SNX25: variants seen among roughly 807,000 people sequenced by gnomAD.
SNX25 encodes the protein sorting nexin-25.
A neutral mutation model predicts 113.7 loss-of-function variants in SNX25; 62 were observed. The observed-to-expected ratio is 0.55, with a 90% CI of 0.44 to 0.67. The LOEUF (loss-of-function observed/expected upper bound fraction) is 0.67. Ranked by LOEUF, SNX25 falls within the 30% of genes least tolerant of loss-of-function variation. SNX25 has a pLI of 0.00. For missense variants in SNX25, 1,014 were observed against 1,161.0 expected, an observed-to-expected ratio of 0.87 and a Z score of 1.84; for synonymous variants, 421 against 436.2, an observed-to-expected ratio of 0.97 and a Z score of 0.43.
At chr4:185,252,489 C>T (rs192405331) in intron 2 of SNX25, among the ~76,000 whole-genome samples, 103 of 152,244 alleles carry the variant, frequency 6.8e-4, no homozygotes, top group African/African-American at 2.4e-3. Flanking sequence ...ATACTAAATG[C>T]TTATGAAATA....
At chr4:185,291,688 G>A (rs1011151264) in intron 6 of SNX25, among the ~76,000 whole-genome samples, 1 of 152,154 alleles carries the variant, frequency 6.6e-6, no homozygotes, top group Non-Finnish European at 1.5e-5. Context: ...CTGGCCTGGA[G>A]ATATGTCACT....
At chr4:185,357,978 G>A (rs1011372114) in intron 16 of SNX25, among the ~76,000 whole-genome samples, 10 of 152,190 alleles carry the variant, frequency 6.6e-5, no homozygotes, top group African/African-American at 2.4e-4. Context: ...TCTGACTGGC[G>A]AGGGTCAGGA....
intron 6 of SNX25, among the ~76,000 whole-genome samples, chr4:185,306,838 G>A (rs979342251): frequency 6.6e-6 from 1 of 152,154 alleles, no homozygotes; most frequent in African/African-American, 2.4e-5. Flanking sequence ...TAATTTTGGG[G>A]CAAACTACAT....
At chr4:185,253,299 G>A (rs1745931257) in intron 2 of SNX25, among the ~76,000 whole-genome samples, 1 of 151,994 alleles carries the variant, frequency 6.6e-6, no homozygotes, top group African/African-American at 2.4e-5. Context: ...ACCTCAGAGT[G>A]TCTTATAAAA....
intron 1 of SNX25, among the ~76,000 whole-genome samples, chr4:185,216,824 A>C (rs1300402525): frequency 6.6e-6 from 1 of 152,060 alleles, no homozygotes; most frequent in Non-Finnish European, 1.5e-5. Flanking sequence ...CCCGGCCGAC[A>C]AAAGTGTGTA....
intron 1 of SNX25, among the ~76,000 whole-genome samples, chr4:185,245,248 TA>T (rs11286036): frequency 0.41 from 61,769 of 151,330 alleles, 15,001 homozygotes; most frequent in African/African-American, 0.69. Flanking sequence ...TGTGATCAAG[TA>T]AAAAAAAATC....
chr4:185,337,165 T>C (rs1457207812), intron 10 of SNX25, among the ~76,000 whole-genome samples: 1 of 152,188 alleles, frequency 6.6e-6, no homozygotes, highest in Non-Finnish European at 1.5e-5. Context: ...CATTTTAGTG[T>C]TTTGCAACTG....
rs145936732 is a variant in SNX25, at chr4:185,323,346, A to C, written c.1477-182A>C. 9.7e-3 allele frequency among the ~76,000 whole-genome samples: 1,470 copies of C among 151,792 alleles called. 29 individuals are homozygous for C. Among genetic ancestry groups the C allele is most frequent in the African/African-American group, 0.034 (1,411 of 41,352 alleles). On this transcript the variant is annotated intron_variant, in intron 8 of 18. Coordinates refer to ENST00000652585, the MANE Select transcript of SNX25 (RefSeq NM_001378034.2). The stretch of plus-strand genomic sequence containing the variant: ...GTTCAACATGTTCATTTAAAGAATT[A>C]GTTTTTTTTTTTTTAGGATCTGACA...
chr4:185,250,984 A>G (rs1560934960), intron 2 of SNX25, among the ~76,000 whole-genome samples: 1 of 152,082 alleles, frequency 6.6e-6, no homozygotes, highest in African/African-American at 2.4e-5. Flanking sequence ...ATATAGTTCA[A>G]TAATGTTTTG....
At chr4:185,294,344 G>C (rs1359411654) in intron 6 of SNX25, among the ~76,000 whole-genome samples, 1 of 152,158 alleles carries the variant, frequency 6.6e-6, no homozygotes, top group African/African-American at 2.4e-5. Flanking sequence ...CTCTTGTGCT[G>C]CTAGCTTCCT....
At chr4:185,260,596 CTA>C (rs567463431) in intron 3 of SNX25, among the ~76,000 whole-genome samples, 124 of 152,304 alleles carry the variant, frequency 8.1e-4, no homozygotes, top group African/African-American at 2.8e-3. Context: ...TATTTAAAAA[CTA>C]AGAATTTTTA....
chr4:185,339,519 G>C lies in SNX25; in HGVS notation c.2046+9G>C, dbSNP rs2095249330. On this transcript the variant is annotated intron_variant, in intron 11 of 18. Transcript: ENST00000652585. Reference sequence around the variant, plus strand: ...CCATCACCAGTGGAGAGGTAGTTTTGACTGCTTTTCCTCTTAATTTATTTT... The same window carrying C: ...CCATCACCAGTGGAGAGGTAGTTTTCACTGCTTTTCCTCTTAATTTATTTT... 6.2e-7 allele frequency: 1 copy of C among 1,605,100 alleles called. No individual in the cohort carries two copies. Among genetic ancestry groups the C allele is most frequent in the African/African-American group, 1.3e-5 (1 of 74,436 alleles).
intron 1 of SNX25, among the ~76,000 whole-genome samples, chr4:185,213,384 C>T (rs1053306193): frequency 2.0e-5 from 3 of 152,186 alleles, no homozygotes; most frequent in East Asian, 1.9e-4. Context: ...CCCAGACTTC[C>T]GTGGTATCTT....
intron 7 of SNX25, among the ~76,000 whole-genome samples, chr4:185,314,581 TG>T (rs2095055674): frequency 6.6e-6 from 1 of 152,002 alleles, no homozygotes; most frequent in Non-Finnish European, 1.5e-5. Flanking sequence ...AAATGGAGGC[TG>T]GGCGCAGTGG....
intron 14 of SNX25, 28 bp downstream of exon 14, chr4:185,351,637 TTGTAG>T (rs2095315201): frequency 6.2e-7 from 1 of 1,607,434 alleles, no homozygotes; most frequent in Non-Finnish European, 8.5e-7. Context: ...TGAACCACTT[TTGTAG>T]TGTATTTCAG....
chr4:185,215,627 A>G (rs1738685138), intron 1 of SNX25, among the ~76,000 whole-genome samples: 1 of 152,148 alleles, frequency 6.6e-6, no homozygotes, highest in African/African-American at 2.4e-5. Flanking sequence ...TCATTTGATA[A>G]TGGATAATGG....
chr4:185,227,280 G>A (rs539828937), intron 1 of SNX25, among the ~76,000 whole-genome samples: 1 of 152,326 alleles, frequency 6.6e-6, no homozygotes, highest in East Asian at 1.9e-4. Flanking sequence ...TTCTTGTTTT[G>A]TTTCCCTTAC....
chr4:185,358,033 G>C (rs922173389), intron 16 of SNX25, among the ~76,000 whole-genome samples: 1 of 152,216 alleles, frequency 6.6e-6, no homozygotes, highest in African/African-American at 2.4e-5. Flanking sequence ...CGACGAGTTT[G>C]AGTATCTTGA....
chr4:185,242,963 C>T (rs1052065017), intron 1 of SNX25, among the ~76,000 whole-genome samples: 4 of 152,136 alleles, frequency 2.6e-5, no homozygotes, highest in Admixed American at 1.3e-4. Flanking sequence ...TTCCTGTTCT[C>T]CTGGCTTACA....
Sources: gnomAD v4.1 joint callset for allele counts (sites outside exome capture counted in the v4.1 genomes callset) on GRCh38, gnomAD v4.1.1 for gene constraint, MANE v1.5 for transcripts, NCBI Gene and HGNC (gene_info 2026-07-23, HGNC 2026-07-21) for gene names.